The following RGS9 variants were observed in gnomAD, a reference collection of about 807,000 sequenced individuals.
The protein encoded by RGS9 is regulator of G-protein signalling 9.
A neutral mutation model predicts 102.0 loss-of-function variants in RGS9; 78 were observed. The ratio of observed to expected loss-of-function variants is 0.76; its 90% CI spans 0.64 to 0.92. RGS9 has a LOEUF of 0.92. RGS9 is among the 40% of genes least tolerant of loss of function. The pLI is 0.00. For synonymous variants in RGS9, 353 were observed against 318.6 expected, an observed-to-expected ratio of 1.11 and a Z score of -1.15; for missense variants, 833 against 866.1, an observed-to-expected ratio of 0.96 and a Z score of 0.48.
chr17:65,190,386 T>C (rs1912322389), intron 11 of RGS9, 150 bp downstream of exon 11: 2 of 773,548 alleles, frequency 2.6e-6, no homozygotes, highest in Non-Finnish European at 4.7e-6. Context: ...GCTTAGTTCC[T>C]AGTTCATCCC....
intron 9 of RGS9, 150 bp downstream of exon 9, chr17:65,177,953 G>A: frequency 2.8e-6 from 2 of 726,596 alleles, no homozygotes; most frequent in South Asian, 1.5e-5. Flanking sequence ...GTGGACTCAG[G>A]GTTAGGGGAG....
chr17:65,206,666 A>C (rs559876880), intron 15 of RGS9, among the ~76,000 whole-genome samples: 41 of 152,210 alleles, frequency 2.7e-4, no homozygotes, highest in African/African-American at 9.4e-4. Flanking sequence ...GAAAGAGTGA[A>C]ACTCCGTCTC....
At chr17:65,150,376 C>T (rs947631594) in intron 1 of RGS9, among the ~76,000 whole-genome samples, 4 of 152,120 alleles carry the variant, frequency 2.6e-5, no homozygotes, top group African/African-American at 9.7e-5. Context: ...AATCCCAGCA[C>T]TTTGGGAGGC....
chr17:65,144,258 C>G (rs1484007807), intron 1 of RGS9, among the ~76,000 whole-genome samples: 3 of 152,148 alleles, frequency 2.0e-5, no homozygotes, highest in Non-Finnish European at 4.4e-5. Flanking sequence ...TATTATTGTT[C>G]CCCCGGGTGC....
At chr17:65,213,957 A>G (rs1230375227) in intron 17 of RGS9, among the ~76,000 whole-genome samples, 1 of 152,100 alleles carries the variant, frequency 6.6e-6, no homozygotes, top group African/African-American at 2.4e-5. Flanking sequence ...TATTTTATTT[A>G]TGTATTTATT....
intron 11 of RGS9, among the ~76,000 whole-genome samples, chr17:65,192,666 G>A (rs1328960075): frequency 6.6e-6 from 1 of 151,820 alleles, no homozygotes; most frequent in Non-Finnish European, 1.5e-5. Flanking sequence ...CTGTAGCACT[G>A]AAGGATGACT....
rs1567880289 is a variant in RGS9 at position 65,190,193 on chromosome 17, G to T, written c.703G>T (p.Ala235Ser). 3 of 1,613,776 alleles carry T rather than the reference G, an allele frequency of 1.9e-6. No individual in the cohort carries two copies. In the Admixed American group the frequency reaches 5.0e-5, roughly 27 times the overall value. The change falls in exon 11 of 19, where the codon GCC becomes TCC. Residue 235 changes from alanine (A) to serine (S), a missense_variant. By Grantham distance (99) the Ala-to-Ser change is moderately conservative. Around this residue, in one of 3 missense-constraint regions of RGS9, gnomAD observed 328 missense variants for 340.6 expected, o/e 0.96. Transcript: ENST00000262406. ...VKKEIMYYQQ[A>S]LMRSTVKSSV... ...CTTCCAGATCATGTATTACCAACAG[G>T]CCTTGATGAGGTCCACAGTGAAGTC... is the stretch of plus-strand genomic sequence containing the variant.
rs1023503889 is a variant in RGS9 at position 65,190,023 on chromosome 17, T to C, written c.685-152T>C. 8.3e-5 allele frequency: 63 copies of C among 756,904 alleles called. No individual in the cohort carries two copies. The Middle Eastern group carries it at 1.4e-3, about 17-fold the overall frequency. The allele number at this position is 756,904 out of a possible 1,614,324, so 46.9% of individuals were successfully genotyped here. On this transcript the variant is annotated intron_variant, in intron 10 of 18. Transcript: ENST00000262406. ...GAAGTCTGTGGTCATCTGTCCACTG[T>C]GGGCCTGACCCACTGGTACTGAGGG...
intron 17 of RGS9, among the ~76,000 whole-genome samples, chr17:65,213,163 C>T (rs964923750): frequency 1.3e-5 from 2 of 151,976 alleles, no homozygotes; most frequent in South Asian, 2.1e-4. Context: ...ACTGGGAACC[C>T]GGGCTGGGGC....
chr17:65,143,527 A>G (rs1910235970), intron 1 of RGS9, among the ~76,000 whole-genome samples: 1 of 152,170 alleles, frequency 6.6e-6, no homozygotes. Context: ...TCACGCCTTT[A>G]TCCCAGCACT....
intron 7 of RGS9, among the ~76,000 whole-genome samples, chr17:65,167,569 G>A (rs755539214): frequency 1.7e-4 from 26 of 152,166 alleles, no homozygotes; most frequent in South Asian, 4.1e-4. Context: ...ACTCTTTGCA[G>A]TGCCAGAGTA....
At chr17:65,203,614 C>T (rs1034749660) in intron 14 of RGS9, among the ~76,000 whole-genome samples, 6 of 152,242 alleles carry the variant, frequency 3.9e-5, no homozygotes, top group Admixed American at 2.0e-4. Context: ...GGTAGAGCCA[C>T]GGGCTCAGGA....
At chr17:65,166,926 G>A (rs750571670) in intron 7 of RGS9, among the ~76,000 whole-genome samples, 2 of 152,224 alleles carry the variant, frequency 1.3e-5, no homozygotes, top group Admixed American at 1.3e-4. Context: ...CTGGCTCCCT[G>A]AGTGTTATGA....
At chr17:65,154,645 T>C (rs893961935) in intron 2 of RGS9, among the ~76,000 whole-genome samples, 1 of 152,192 alleles carries the variant, frequency 6.6e-6, no homozygotes, top group Admixed American at 6.5e-5. Flanking sequence ...CCTCTCTGTG[T>C]GTGGGGGTGA....
chr17:65,216,169 T>C (rs1913516457), intron 17 of RGS9, among the ~76,000 whole-genome samples: 1 of 152,230 alleles, frequency 6.6e-6, no homozygotes. Flanking sequence ...TAATACTATA[T>C]GATGGAATGT....
At chr17:65,190,735 T>C (rs767796225) in intron 11 of RGS9, among the ~76,000 whole-genome samples, 23 of 152,330 alleles carry the variant, frequency 1.5e-4, no homozygotes, top group Admixed American at 5.9e-4. Flanking sequence ...CAGCCCCCCA[T>C]AGGACATCAT....
At chr17:65,145,552 T>TTA (rs1484845738) in intron 1 of RGS9, among the ~76,000 whole-genome samples, 3 of 122,008 alleles carry the variant, frequency 2.5e-5, no homozygotes, top group African/African-American at 1.3e-4. Context: ...TCCTGGCTAT[T>TTA]TTTTTTTTTT....
chr17:65,223,510 T>C (rs1905455361), intron 17 of RGS9, among the ~76,000 whole-genome samples: 1 of 152,236 alleles, frequency 6.6e-6, no homozygotes, highest in African/African-American at 2.4e-5. Flanking sequence ...CTGTTCAGGC[T>C]GGGACCTGCC....
intron 11 of RGS9, among the ~76,000 whole-genome samples, chr17:65,192,905 C>T (rs1567881454): frequency 2.0e-5 from 3 of 151,986 alleles, no homozygotes; most frequent in Admixed American, 1.3e-4. Context: ...CAAGTTTGAA[C>T]ACTCCAAGTT....
Sources: gnomAD v4.1 joint callset for allele counts (sites outside exome capture counted in the v4.1 genomes callset) on GRCh38, gnomAD v4.1.1 for gene constraint, gnomAD v4.1.1 regional missense constraint, MANE v1.5 for transcripts, NCBI Gene and HGNC (gene_info 2026-07-23, HGNC 2026-07-21) for gene names.